RBFOX1: variants seen among roughly 807,000 people sequenced by gnomAD.
RBFOX1 encodes the protein RNA binding protein fox-1 homolog 1.
A neutral mutation model predicts 57.7 loss-of-function variants in RBFOX1; 8 were observed. The ratio of observed to expected loss-of-function variants is 0.14; its 90% CI spans 0.08 to 0.25. RBFOX1 has a LOEUF of 0.25. Ranked by LOEUF, RBFOX1 falls within the 10% of genes least tolerant of loss-of-function variation. The pLI, the probability that RBFOX1 is intolerant of heterozygous loss-of-function variation, is 1.00. For missense variants in RBFOX1, 611 were observed against 548.5 expected (o/e 1.11, Z -1.14); for synonymous variants, 326 against 222.4 (o/e 1.47, Z -4.15).
chr16:7,541,995 G>T (rs561456456), intron 5 of RBFOX1, among the ~76,000 whole-genome samples: 1 of 152,198 alleles, frequency 6.6e-6, no homozygotes, highest in Non-Finnish European at 1.5e-5. Context: ...GGCCTTGGCC[G>T]GCAGCTGAGG....
rs540047272 is a variant in RBFOX1 at position 7,256,420 on chromosome 16, G to T, written c.27+204322G>T. ...GACAAAGGCGGCTGTCATGGGAGAAGCCTACACTAGTTTGTCTCAATCTTT... is the reference window on the plus strand; with the variant it reads ...GACAAAGGCGGCTGTCATGGGAGAATCCTACACTAGTTTGTCTCAATCTTT... On this transcript the variant is annotated intron_variant, in intron 4 of 15. Transcript: ENST00000550418. 2.2e-4 allele frequency among the ~76,000 whole-genome samples: 33 copies of T among 152,308 alleles called. No individual in the cohort carries two copies. In the South Asian group the frequency reaches 6.6e-3, roughly 31 times the overall value.
intron 3 of RBFOX1, among the ~76,000 whole-genome samples, chr16:6,835,764 A>G (rs2093049736): frequency 8.9e-6 from 1 of 112,052 alleles, no homozygotes; most frequent in African/African-American, 3.0e-5. Context: ...AAAAAAAAAA[A>G]AAAAAAAAAA....
In RBFOX1 at chr16:6,655,373, C is replaced by CAAAAAAAAAAAAAAAAAAAAAAAAAAAA. The variant is rs71406388; in HGVS notation, c.-16+726_-16+753dup. ...TGAGTGACAAAATAAGCCTCCGTTT[C>CAAAAAAAAAAAAAAAAAAAAAAAAAAAA]AAAAAAAAAAAAAAAAAAAAAAAAA... On this transcript the variant is annotated intron_variant, in intron 3 of 15. Coordinates refer to ENST00000550418, the MANE Select transcript of RBFOX1 (RefSeq NM_018723.4). 8.9e-5 allele frequency among the ~76,000 whole-genome samples: 3 copies of CAAAAAAAAAAAAAAAAAAAAAAAAAAAA among 33,686 alleles called. 1 individual carries two copies. The highest frequency in any genetic ancestry group is 1.7e-4 in the Non-Finnish European group (3 of 17,624). 22.1% of individuals were successfully genotyped at this position (33,686 alleles called of 152,430 possible).
chr16:6,365,838 A>G (rs894807130), intron 2 of RBFOX1, among the ~76,000 whole-genome samples: 5 of 152,208 alleles, frequency 3.3e-5, no homozygotes, highest in African/African-American at 1.2e-4. Flanking sequence ...GAGAGAATTA[A>G]AAGATATCTA....
At chr16:5,776,607 G>A (rs763544279) in intron 3 of RBFOX1, among the ~76,000 whole-genome samples, 1 of 152,200 alleles carries the variant, frequency 6.6e-6, no homozygotes, top group African/African-American at 2.4e-5. Context: ...AACGAATGTG[G>A]CATTGTCCAC....
chr16:6,774,676 AATTAGC>A (rs2079020222), intron 3 of RBFOX1, among the ~76,000 whole-genome samples: 2 of 152,244 alleles, frequency 1.3e-5, no homozygotes, highest in Non-Finnish European at 1.5e-5. Context: ...CTTGACAGTA[AATTAGC>A]ATTAGCATTA....
intron 11 of RBFOX1, among the ~76,000 whole-genome samples, chr16:7,652,034 G>C (rs1259271115): frequency 6.6e-6 from 1 of 152,038 alleles, no homozygotes; most frequent in African/African-American, 2.4e-5. Flanking sequence ...GGGCATCCCA[G>C]GTAGAGGAAA....
chr16:7,010,168 C>T (rs890504845), intron 3 of RBFOX1, among the ~76,000 whole-genome samples: 6 of 152,246 alleles, frequency 3.9e-5, no homozygotes, highest in Non-Finnish European at 8.8e-5. Flanking sequence ...ACTTAATCAG[C>T]TGTGAATACT....
intron 3 of RBFOX1, among the ~76,000 whole-genome samples, chr16:6,719,154 A>G (rs539318082): frequency 7.2e-5 from 11 of 152,334 alleles, no homozygotes; most frequent in Non-Finnish European, 1.5e-4. Context: ...GGCATGAGCC[A>G]TAGTGCCTGG....
chr16:7,655,441 C>G (rs1274756693), intron 12 of RBFOX1, among the ~76,000 whole-genome samples: 3 of 152,196 alleles, frequency 2.0e-5, no homozygotes, highest in Non-Finnish European at 4.4e-5. Context: ...GCTATAAATT[C>G]TCCCTAATGC....
At chr16:5,291,429 A>AT (rs2063533273) in intron 1 of RBFOX1, among the ~76,000 whole-genome samples, 1 of 151,902 alleles carries the variant, frequency 6.6e-6, no homozygotes, top group South Asian at 2.1e-4. Context: ...CGCCCTGCTA[A>AT]TTTTTTTGTA....
At chr16:6,327,108 G>A (rs778773650) in intron 2 of RBFOX1, among the ~76,000 whole-genome samples, 3 of 152,122 alleles carry the variant, frequency 2.0e-5, no homozygotes, top group East Asian at 1.9e-4. Flanking sequence ...AGCCACTGTC[G>A]TTCCTTCTCC....
intron 1 of RBFOX1, among the ~76,000 whole-genome samples, chr16:6,154,438 G>C (rs987251616): frequency 8.5e-5 from 13 of 152,178 alleles, no homozygotes; most frequent in African/African-American, 3.1e-4. Flanking sequence ...ACGTAGGCAG[G>C]GTATTGCATC....
At chr16:6,166,671 CTCTG>C (rs1424471771) in intron 1 of RBFOX1, among the ~76,000 whole-genome samples, 1 of 152,166 alleles carries the variant, frequency 6.6e-6, no homozygotes, top group African/African-American at 2.4e-5. Context: ...GACAGCATCT[CTCTG>C]TCTGTATCAT....
chr16:6,207,856 TA>T (rs1231729642), intron 1 of RBFOX1, among the ~76,000 whole-genome samples: 2 of 151,716 alleles, frequency 1.3e-5, no homozygotes, highest in Non-Finnish European at 1.5e-5. Flanking sequence ...TCCAGCTAAT[TA>T]AAAAAAAATT....
chr16:7,166,813 T>C (rs566598779), intron 4 of RBFOX1, among the ~76,000 whole-genome samples: 19 of 151,906 alleles, frequency 1.3e-4, no homozygotes, highest in Non-Finnish European at 2.1e-4. Flanking sequence ...CTCCAACCCA[T>C]GCGGCATCTC....
At chr16:5,297,185 A>C (rs1229465285) in intron 1 of RBFOX1, among the ~76,000 whole-genome samples, 1 of 152,166 alleles carries the variant, frequency 6.6e-6, no homozygotes, top group Non-Finnish European at 1.5e-5. Flanking sequence ...GATGCCATGT[A>C]TTGGCTATTG....
intron 3 of RBFOX1, among the ~76,000 whole-genome samples, chr16:6,916,953 G>C (rs778764874): frequency 3.3e-5 from 5 of 152,012 alleles, no homozygotes; most frequent in Non-Finnish European, 7.4e-5. Flanking sequence ...AGGTTCAAGC[G>C]GTTTTCCTGC....
intron 4 of RBFOX1, among the ~76,000 whole-genome samples, chr16:7,052,888 G>A (rs2050588989): frequency 6.6e-6 from 1 of 152,130 alleles, no homozygotes; most frequent in African/African-American, 2.4e-5. Flanking sequence ...TGTCACTAAT[G>A]GAAGTTGGCA....
Sources: gnomAD v4.1 joint callset for allele counts (sites outside exome capture counted in the v4.1 genomes callset) on GRCh38, gnomAD v4.1.1 for gene constraint, MANE v1.5 for transcripts, NCBI Gene and HGNC (gene_info 2026-07-23, HGNC 2026-07-21) for gene names.